Variants in TFDP2 observed in about 807,000 individuals in gnomAD.
The protein encoded by TFDP2 is transcription factor Dp-2.
TFDP2 carries 17 observed loss-of-function variants against 59.3 expected under a neutral mutation model. That is an observed-to-expected ratio of 0.29 (90% CI 0.20 to 0.43). The LOEUF (loss-of-function observed/expected upper bound fraction) is 0.43. Among genes scored for constraint, TFDP2 ranks in the 20% least tolerant of loss-of-function variants. TFDP2 has a pLI of 1.00. For missense variants in TFDP2, 391 were observed against 528.8 expected (o/e 0.74, Z 2.56); for synonymous variants, 180 against 194.7 (o/e 0.92, Z 0.63).
intron 1 of TFDP2, among the ~76,000 whole-genome samples, chr3:142,102,096 T>C (rs955103520): frequency 3.9e-5 from 6 of 152,216 alleles, no homozygotes; most frequent in Admixed American, 3.3e-4. Flanking sequence ...TATTAGGCTA[T>C]GCTGCTTTAG....
intron 7 of TFDP2, among the ~76,000 whole-genome samples, chr3:141,975,007 G>A (rs755644773): frequency 1.1e-4 from 15 of 139,662 alleles, no homozygotes; most frequent in Admixed American, 1.5e-4. Flanking sequence ...TCCACCTCCC[G>A]GGTTCAAGCG....
At chr3:142,004,744 C>A (rs915745888) in intron 4 of TFDP2, among the ~76,000 whole-genome samples, 5 of 152,044 alleles carry the variant, frequency 3.3e-5, no homozygotes, top group African/African-American at 1.2e-4. Flanking sequence ...ACTGTTGGGT[C>A]ACAGATTCCA....
At chr3:142,134,263 C>T (rs2062631868) in intron 1 of TFDP2, among the ~76,000 whole-genome samples, 1 of 151,162 alleles carries the variant, frequency 6.6e-6, no homozygotes, top group African/African-American at 2.4e-5. Flanking sequence ...GCAGGAGAAT[C>T]GCCTGAACCC....
chr3:141,997,392 T>C (rs1271156239), intron 4 of TFDP2, among the ~76,000 whole-genome samples: 4 of 152,180 alleles, frequency 2.6e-5, no homozygotes, highest in Non-Finnish European at 5.9e-5. Flanking sequence ...ATGTGAGTTA[T>C]TTGATTAGCC....
chr3:142,098,270 A>AAC (rs1489142034), intron 2 of TFDP2, among the ~76,000 whole-genome samples: 58 of 105,904 alleles, frequency 5.5e-4, no homozygotes, highest in South Asian at 1.2e-3. Flanking sequence ...TTGACAAGGC[A>AAC]AAAAAAAAAA....
chr3:142,092,954 T>C (rs2061046928), intron 3 of TFDP2, 107 bp downstream of exon 3: 1 of 738,158 alleles, frequency 1.4e-6, no homozygotes, highest in African/African-American at 1.8e-5. Context: ...AACGTGCTAA[T>C]ATCATAAAAT....
intron 6 of TFDP2, among the ~76,000 whole-genome samples, chr3:141,984,777 G>T (rs975629287): frequency 2.0e-5 from 3 of 152,164 alleles, no homozygotes; most frequent in Non-Finnish European, 2.9e-5. Flanking sequence ...GGCTTTATTA[G>T]CCAGTGTATT....
chr3:142,075,981 C>T (rs201389790), intron 3 of TFDP2, among the ~76,000 whole-genome samples: 1 of 149,328 alleles, frequency 6.7e-6, no homozygotes, highest in African/African-American at 2.5e-5. Flanking sequence ...GAGGCTGAGG[C>T]GGGCGGATCA....
chr3:142,104,847 G>GA (rs1283428108), intron 1 of TFDP2, among the ~76,000 whole-genome samples: 5 of 151,912 alleles, frequency 3.3e-5, no homozygotes, highest in African/African-American at 1.2e-4. Context: ...TAATGAAATA[G>GA]AAAAAAAATC....
intron 2 of TFDP2, among the ~76,000 whole-genome samples, chr3:142,100,525 A>G (rs2108643641): frequency 6.6e-6 from 1 of 152,264 alleles, no homozygotes; most frequent in South Asian, 2.1e-4. Flanking sequence ...GGCGTCTGTC[A>G]CCGCGCCTGG....
chr3:142,114,067 A>G (rs1162584667), intron 1 of TFDP2, among the ~76,000 whole-genome samples: 6 of 152,042 alleles, frequency 3.9e-5, no homozygotes, highest in African/African-American at 1.4e-4. Flanking sequence ...CAGGAGGCTG[A>G]GGCAGGAGAA....
rs6806037 is a variant in TFDP2, at chr3:142,118,084, T to G, written c.-92-16243A>C. 5.2e-3 allele frequency among the ~76,000 whole-genome samples: 796 copies of G among 151,936 alleles called. 9 individuals carry two copies. Among genetic ancestry groups the G allele is most frequent in the African/African-American group, 0.018 (750 of 41,440 alleles). ...CTGCACTCCAGCCTGGGTGACAGAG[T>G]GAGACCTTGTCTCAAAAGAAGAAAA... On this transcript the variant is annotated intron_variant, in intron 1 of 12. Transcript: ENST00000489671.
chr3:142,041,572 G>A (rs1946972743), intron 3 of TFDP2, among the ~76,000 whole-genome samples: 3 of 152,222 alleles, frequency 2.0e-5, no homozygotes, highest in Admixed American at 2.0e-4. Context: ...CCCCAGCCAT[G>A]TGGAACTGTG....
intron 7 of TFDP2, among the ~76,000 whole-genome samples, chr3:141,976,187 T>C (rs1302660137): frequency 1.3e-5 from 2 of 152,210 alleles, no homozygotes; most frequent in African/African-American, 4.8e-5. Flanking sequence ...CCTATAGTAG[T>C]AGTATTATTC....
At chr3:142,031,193 A>G (rs1228330562) in intron 3 of TFDP2, among the ~76,000 whole-genome samples, 1 of 152,246 alleles carries the variant, frequency 6.6e-6, no homozygotes, top group Non-Finnish European at 1.5e-5. Flanking sequence ...GTGATAACTG[A>G]GGTCAAGTGA....
At position 142,113,033 on chromosome 3, in the gene TFDP2, G is replaced by A. The variant is rs369858661; in HGVS notation, c.-92-11192C>T. On this transcript the variant is annotated intron_variant, in intron 1 of 12. Coordinates refer to ENST00000489671, the MANE Select transcript of TFDP2 (RefSeq NM_001178139.2). ...GAATAAAATCACATTCTGAGACCCT[G>A]CCAAGAACCTAATAGAAACATTCTT... is the stretch of plus-strand genomic sequence containing the variant. Among the ~76,000 whole-genome samples the A allele has an allele frequency of 1.4e-4, 22 of 152,238 alleles. 1 individual carries two copies. Among genetic ancestry groups the A allele is most frequent in the African/African-American group, 5.1e-4 (21 of 41,546 alleles).
At chr3:142,120,921 G>T (rs1047094529) in intron 1 of TFDP2, among the ~76,000 whole-genome samples, 11 of 152,094 alleles carry the variant, frequency 7.2e-5, no homozygotes, top group Admixed American at 2.6e-4. Flanking sequence ...CAGCTCTGGG[G>T]TTATAGCAGA....
intron 3 of TFDP2, among the ~76,000 whole-genome samples, chr3:142,072,991 A>G (rs2060297900): frequency 6.6e-6 from 1 of 152,228 alleles, no homozygotes; most frequent in Non-Finnish European, 1.5e-5. Flanking sequence ...AGGGGTAAAG[A>G]CTAACTTTAC....
intron 1 of TFDP2, among the ~76,000 whole-genome samples, chr3:142,103,282 A>G (rs749195348): frequency 3.9e-5 from 6 of 151,906 alleles, no homozygotes; most frequent in East Asian, 1.9e-4. Flanking sequence ...GACTAAAAAC[A>G]TATGAAAACT....
Sources: gnomAD v4.1 joint callset for allele counts (sites outside exome capture counted in the v4.1 genomes callset) on GRCh38, gnomAD v4.1.1 for gene constraint, MANE v1.5 for transcripts, NCBI Gene and HGNC (gene_info 2026-07-23, HGNC 2026-07-21) for gene names.